Variants in ALDH1A2 observed in about 807,000 individuals in gnomAD.
The protein encoded by ALDH1A2 is retinal dehydrogenase 2.
A neutral mutation model predicts 60.3 loss-of-function variants in ALDH1A2; 27 were observed. The ratio of observed to expected loss-of-function variants is 0.45; its 90% CI spans 0.33 to 0.62. ALDH1A2 has a LOEUF of 0.62. ALDH1A2 is among the 20% of genes least tolerant of loss of function. The pLI, the probability that ALDH1A2 is intolerant of heterozygous loss-of-function variation, is 0.02. For synonymous variants in ALDH1A2, 289 were observed against 232.4 expected (o/e 1.24, Z -2.21); for missense variants, 581 against 643.8 (o/e 0.90, Z 1.06).
rs1306154257 is a variant in ALDH1A2 at position 57,953,692 on chromosome 15, T to C, written c.*1505A>G. 6.6e-6 allele frequency: 1 copy of C among 152,294 alleles called. No homozygotes were observed. The highest frequency in any genetic ancestry group is 2.4e-5 in the African/African-American group (1 of 41,394). 9.4% of individuals were successfully genotyped at this position (152,294 alleles called of 1,614,324 possible). A position where few individuals can be genotyped will look rare whatever the true frequency, so the allele number is the denominator to read the frequency against. ...AGCAAGTGGAGACTTTAAAACATCA[T>C]GGATAGATAAGAGTTATAAATAGAA... On this transcript the variant is annotated 3_prime_UTR_variant, in exon 13 of 13. Transcript: ENST00000249750.
chr15:57,978,381 G>A (rs1452555010), intron 7 of ALDH1A2, among the ~76,000 whole-genome samples: 1 of 152,090 alleles, frequency 6.6e-6, no homozygotes, highest in African/African-American at 2.4e-5. Flanking sequence ...TAGTTTATTG[G>A]ATTTTTAGCA....
At chr15:57,960,921 A>G in intron 11 of ALDH1A2, 77 bp from the exon 12 acceptor site, 1 of 1,444,800 alleles carries the variant, frequency 6.9e-7, no homozygotes, top group Non-Finnish European at 9.6e-7. Context: ...TATTTCTTTT[A>G]GAAGTTTTAT....
chr15:58,018,654 C>A (rs1478843483), intron 1 of ALDH1A2, among the ~76,000 whole-genome samples: 2 of 152,030 alleles, frequency 1.3e-5, no homozygotes, highest in African/African-American at 4.8e-5. Flanking sequence ...CTGATGTCAC[C>A]AGCAATGGGA....
At position 57,977,573 on chromosome 15, in the gene ALDH1A2, A is replaced by G. The variant is rs149611198; in HGVS notation, c.799-11746T>C. Among the ~76,000 whole-genome samples, 374 of 152,236 alleles carry G rather than the reference A, an allele frequency of 2.5e-3. 1 individual carries two copies. Among genetic ancestry groups the G allele is most frequent in the African/African-American group, 8.4e-3 (349 of 41,528 alleles). ...TCTGTTCTGTTCCATTGGTCTATGTATATCTGTGTTTGTACCAGTACCATG... is the reference window on the plus strand; with the variant it reads ...TCTGTTCTGTTCCATTGGTCTATGTGTATCTGTGTTTGTACCAGTACCATG... On this transcript the variant is annotated intron_variant, in intron 7 of 12. Coordinates refer to ENST00000249750, the MANE Select transcript of ALDH1A2 (RefSeq NM_003888.4).
intron 1 of ALDH1A2, among the ~76,000 whole-genome samples, chr15:58,064,695 G>T (rs916513355): frequency 6.6e-6 from 1 of 152,142 alleles, no homozygotes; most frequent in African/African-American, 2.4e-5. Context: ...TCAAAATGTT[G>T]TAACATTACA....
intron 9 of ALDH1A2, among the ~76,000 whole-genome samples, chr15:57,963,507 T>C (rs1443466905): frequency 6.7e-6 from 1 of 149,524 alleles, no homozygotes; most frequent in African/African-American, 2.5e-5. Context: ...GCCCGGCTAA[T>C]TTTTTTTTTG....
At chr15:58,035,025 G>A (rs997722485) in intron 1 of ALDH1A2, among the ~76,000 whole-genome samples, 1 of 151,690 alleles carries the variant, frequency 6.6e-6, no homozygotes, top group Non-Finnish European at 1.5e-5. Flanking sequence ...CTTTCTGGAA[G>A]AGACTGTAGA....
intron 7 of ALDH1A2, among the ~76,000 whole-genome samples, chr15:57,988,970 C>T (rs1171085662): frequency 1.3e-5 from 2 of 151,910 alleles, no homozygotes; most frequent in Non-Finnish European, 2.9e-5. Flanking sequence ...AGTTCAAGAC[C>T]AGCCTAGCCA....
intron 4 of ALDH1A2, among the ~76,000 whole-genome samples, chr15:58,006,443 T>A (rs1304887442): frequency 6.6e-6 from 1 of 151,984 alleles, no homozygotes; most frequent in African/African-American, 2.4e-5. Flanking sequence ...GGTACCATAT[T>A]TTTGCAGTTT....
chr15:58,042,770 C>G (rs1218299771), intron 1 of ALDH1A2, among the ~76,000 whole-genome samples: 2 of 151,790 alleles, frequency 1.3e-5, no homozygotes, highest in African/African-American at 4.8e-5. Flanking sequence ...ACTAAAATAC[C>G]AGTGCCACTG....
At chr15:57,990,935 T>G (rs1019325013) in intron 7 of ALDH1A2, among the ~76,000 whole-genome samples, 1 of 150,654 alleles carries the variant, frequency 6.6e-6, no homozygotes, top group Non-Finnish European at 1.5e-5. Context: ...ATCAGGACCA[T>G]TGGTTGGTCA....
At chr15:58,049,040 C>A (rs1333161740) in intron 1 of ALDH1A2, among the ~76,000 whole-genome samples, 2 of 151,974 alleles carry the variant, frequency 1.3e-5, no homozygotes, top group Non-Finnish European at 2.9e-5. Flanking sequence ...GATTATTTTG[C>A]CTTTTCTAGA....
intron 1 of ALDH1A2, among the ~76,000 whole-genome samples, chr15:58,063,928 AAG>A (rs1211559294): frequency 6.6e-6 from 1 of 152,136 alleles, no homozygotes; most frequent in African/African-American, 2.4e-5. Context: ...CAAGAGAGAA[AAG>A]AGAGAGGGGG....
intron 1 of ALDH1A2, among the ~76,000 whole-genome samples, chr15:58,045,957 A>C (rs1193976434): frequency 2.0e-5 from 3 of 152,022 alleles, no homozygotes; most frequent in Admixed American, 2.0e-4. Context: ...AAAATCTGTT[A>C]AGTACAATTT....
At chr15:57,989,570 A>T (rs552808297) in intron 7 of ALDH1A2, among the ~76,000 whole-genome samples, 4 of 152,290 alleles carry the variant, frequency 2.6e-5, no homozygotes, top group African/African-American at 9.6e-5. Flanking sequence ...AAAAATTATG[A>T]GCTCTAAAAC....
intron 7 of ALDH1A2, 65 bp downstream of exon 7, chr15:57,992,640 G>A (rs1595648656): frequency 1.4e-6 from 2 of 1,468,616 alleles, no homozygotes; most frequent in Non-Finnish European, 1.9e-6. Flanking sequence ...TAGTTTTATT[G>A]TTTTTGTAAC....
intron 1 of ALDH1A2, among the ~76,000 whole-genome samples, chr15:58,025,932 A>G (rs529678143): frequency 7.2e-5 from 11 of 152,360 alleles, no homozygotes; most frequent in African/African-American, 2.4e-4. Context: ...GAGTGCACCA[A>G]GCCACTACTG....
At chr15:58,045,750 G>C (rs1896624784) in intron 1 of ALDH1A2, among the ~76,000 whole-genome samples, 2 of 151,920 alleles carry the variant, frequency 1.3e-5, no homozygotes, top group South Asian at 4.2e-4. Context: ...GTCAGGGGAT[G>C]GGGGGCTAAG....
chr15:58,008,387 C>T (rs149263422), intron 4 of ALDH1A2, among the ~76,000 whole-genome samples: 22 of 152,084 alleles, frequency 1.4e-4, no homozygotes, highest in East Asian at 1.9e-4. Flanking sequence ...ATTTATAACT[C>T]GTAGATAAGC....
Sources: gnomAD v4.1 joint callset for allele counts (sites outside exome capture counted in the v4.1 genomes callset) on GRCh38, gnomAD v4.1.1 for gene constraint, MANE v1.5 for transcripts, NCBI Gene and HGNC (gene_info 2026-07-23, HGNC 2026-07-21) for gene names.